Variants in OR11A1 observed in about 807,000 individuals in gnomAD.
OR11A1 encodes the protein olfactory receptor 11A1.
For synonymous variants in OR11A1, 158 were observed against 152.2 expected (o/e 1.04, Z -0.28); for missense variants, 380 against 378.2 (o/e 1.00, Z -0.04).
chr6:29,428,904 C>T lies in OR11A1; in HGVS notation c.-92+9G>A, dbSNP rs112186402. 12,871 of 956,296 alleles carry T rather than the reference C, an allele frequency of 0.013. 472 individuals carry two copies. The highest frequency in any genetic ancestry group is 0.12 in the African/African-American group (6,918 of 56,036). 59.2% of individuals were successfully genotyped at this position (956,296 alleles called of 1,614,324 possible). A position where few individuals can be genotyped will look rare whatever the true frequency, so the allele number is the denominator to read the frequency against. On this transcript the variant is annotated intron_variant, in intron 4 of 4. Coordinates refer to ENST00000377149, the MANE Select transcript of OR11A1 (RefSeq NM_001394828.1). ...CACTTCTAAATATCTGAAAATGGCT[C>T]TGTCATACCTGCTGGAAGGTTTTCA...
At chr6:29,456,119 A>G (rs1233095260) in intron 1 of OR11A1, among the ~76,000 whole-genome samples, 6 of 151,554 alleles carry the variant, frequency 4.0e-5, no homozygotes, top group African/African-American at 1.2e-4. Context: ...AATCCCAGCT[A>G]CTCAGGAGGC....
At chr6:29,449,802 A>G (rs1785159451) in intron 1 of OR11A1, among the ~76,000 whole-genome samples, 1 of 152,026 alleles carries the variant, frequency 6.6e-6, no homozygotes, top group African/African-American at 2.4e-5. Context: ...ACGTCCAGCC[A>G]ATTTTTGTAT....
intron 1 of OR11A1, among the ~76,000 whole-genome samples, chr6:29,448,102 C>T (rs548057628): frequency 4.8e-5 from 7 of 146,338 alleles, no homozygotes; most frequent in Middle Eastern, 3.6e-3. Flanking sequence ...CTGCAACCTC[C>T]GCCTCCTGGG....
intron 2 of OR11A1, among the ~76,000 whole-genome samples, chr6:29,431,529 T>A (rs977306649): frequency 1.1e-4 from 16 of 152,158 alleles, no homozygotes; most frequent in African/African-American, 3.9e-4. Flanking sequence ...TTCTTCCTAC[T>A]CTGTAACATA....
Position 29,454,712 on chromosome 6 carries a change from G to A in OR11A1, c.-389+2275C>T, listed in dbSNP as rs181559436. 2.9e-3 allele frequency among the ~76,000 whole-genome samples: 445 copies of A among 152,236 alleles called. 3 individuals carry two copies. Among genetic ancestry groups the A allele is most frequent in the African/African-American group, 9.8e-3 (409 of 41,562 alleles). Reference sequence around the variant, plus strand: ...CAATCCAAATGTCATCAACTGGTGAGATCAGTGGAACTGAATAGAAAGTGC... The same window carrying A: ...CAATCCAAATGTCATCAACTGGTGAAATCAGTGGAACTGAATAGAAAGTGC... On this transcript the variant is annotated intron_variant, in intron 1 of 4. Coordinates refer to ENST00000377149, the MANE Select transcript of OR11A1 (RefSeq NM_001394828.1).
intron 1 of OR11A1, among the ~76,000 whole-genome samples, chr6:29,435,115 C>G (rs1436320225): frequency 6.6e-6 from 1 of 152,190 alleles, no homozygotes; most frequent in African/African-American, 2.4e-5. Context: ...TCTAAGAGGG[C>G]CTGTGGCCTT....
chr6:29,454,217 A>G (rs1224555718), intron 1 of OR11A1, among the ~76,000 whole-genome samples: 3 of 152,202 alleles, frequency 2.0e-5, no homozygotes, highest in African/African-American at 7.2e-5. Context: ...AATTTAGCAA[A>G]CAGAGATTCA....
chr6:29,446,235 C>T (rs1320553935), intron 1 of OR11A1, among the ~76,000 whole-genome samples: 1 of 152,198 alleles, frequency 6.6e-6, no homozygotes. Flanking sequence ...TATTTCTCCT[C>T]TGCTCAGCTT....
At chr6:29,440,644 T>A (rs766635734) in intron 1 of OR11A1, 1 of 1,614,044 alleles carries the variant, frequency 6.2e-7, no homozygotes, top group African/African-American at 1.3e-5. Context: ...CTCTGCCCCT[T>A]TGGCCTCATC....
intron 1 of OR11A1, among the ~76,000 whole-genome samples, chr6:29,435,297 A>G (rs773015113): frequency 6.6e-6 from 1 of 152,246 alleles, no homozygotes; most frequent in Non-Finnish European, 1.5e-5. Context: ...CAGAGGAGAC[A>G]TTCCTGAACA....
intron 1 of OR11A1, 37 bp from the exon 2 acceptor site, chr6:29,432,024 C>G: frequency 2.0e-6 from 2 of 985,162 alleles, no homozygotes; most frequent in African/African-American, 3.5e-5. Flanking sequence ...AAATGTCACC[C>G]TTGTTACCCT....
intron 1 of OR11A1, among the ~76,000 whole-genome samples, chr6:29,433,658 C>A (rs1011104263): frequency 3.8e-5 from 3 of 79,496 alleles, no homozygotes; most frequent in Non-Finnish European, 5.5e-5. Flanking sequence ...GTAGATCTCT[C>A]TTCTTATTTC....
intron 3 of OR11A1, among the ~76,000 whole-genome samples, chr6:29,429,961 T>G (rs554624413): frequency 7.8e-4 from 118 of 152,240 alleles, no homozygotes; most frequent in African/African-American, 2.7e-3. Context: ...ACATCCAAGG[T>G]AACAAGAGTG....
At chr6:29,431,805 T>C (rs1783246422) in intron 2 of OR11A1, 59 bp downstream of exon 2, 1 of 952,416 alleles carries the variant, frequency 1.0e-6, no homozygotes, top group Admixed American at 6.2e-5. Flanking sequence ...ACCAGCCATT[T>C]AACTTTTTTA....
chr6:29,451,748 A>T (rs1262565885), intron 1 of OR11A1, among the ~76,000 whole-genome samples: 1 of 152,200 alleles, frequency 6.6e-6, no homozygotes, highest in Admixed American at 6.5e-5. Flanking sequence ...TAGCTCATAC[A>T]TGCTGCTGAG....
At chr6:29,448,068 G>A (rs1439495105) in intron 1 of OR11A1, among the ~76,000 whole-genome samples, 4 of 141,550 alleles carry the variant, frequency 2.8e-5, no homozygotes, top group Non-Finnish European at 6.0e-5. Context: ...CCAGGCTGGA[G>A]TACAGTGGTG....
In OR11A1 at chr6:29,427,365, T is replaced by C; in HGVS notation, c.277A>G (p.Ile93Val). ...TGGAGCAAGCAACCAGCCACAGAGA[T>C]AGTTGCTTCTTGCAGGAAGCCCTCC... ...MLEGFLQEAT[I>V]SVAGCLLQFF... Residue 93 changes from isoleucine to valine, a missense_variant, in exon 5 of 5, where the codon ATC (isoleucine) becomes GTC (valine). Coordinates refer to ENST00000377149, the MANE Select transcript of OR11A1 (RefSeq NM_001394828.1). 6.2e-7 allele frequency: 1 copy of C among 1,613,082 alleles called. No homozygotes were observed. Among genetic ancestry groups the C allele is most frequent in the East Asian group, 2.2e-5 (1 of 44,872 alleles).
Position 29,453,793 on chromosome 6 carries a change from C to T in OR11A1, c.-389+3194G>A, listed in dbSNP as rs760294282. On this transcript the variant is annotated intron_variant, in intron 1 of 4. Coordinates refer to ENST00000377149, the MANE Select transcript of OR11A1 (RefSeq NM_001394828.1). The surrounding 1 kb of genome is among the most constrained non-coding windows in gnomAD (Gnocchi z 4.5). Reference sequence around the variant, plus strand: ...GAGAGAAACCAGCATGAAGTAAAATCCAAGACAAACTTAAAAGCTCTCTGA... The same window carrying T: ...GAGAGAAACCAGCATGAAGTAAAATTCAAGACAAACTTAAAAGCTCTCTGA... Among the ~76,000 whole-genome samples the T allele has an allele frequency of 5.3e-5, 8 of 152,214 alleles. No homozygotes were observed. The highest frequency in any genetic ancestry group is 4.4e-5 in the Non-Finnish European group (3 of 67,984).
chr6:29,443,439 C>A (rs960822632), intron 1 of OR11A1, among the ~76,000 whole-genome samples: 2 of 152,124 alleles, frequency 1.3e-5, no homozygotes, highest in Non-Finnish European at 2.9e-5. Flanking sequence ...TGTACAGCAG[C>A]CATTCCTTTT....
Sources: allele counts gnomAD v4.1 joint callset (sites outside exome capture counted in the v4.1 genomes callset), GRCh38; gene constraint gnomAD v4.1.1; non-coding constraint Gnocchi (gnomAD v3.1); transcripts MANE v1.5; gene names NCBI Gene and HGNC (gene_info 2026-07-23, HGNC 2026-07-21).